Variants in PSTPIP2 observed in about 807,000 individuals in gnomAD.
The protein encoded by PSTPIP2 is proline-serine-threonine phosphatase-interacting protein 2.
Under a neutral mutation model 63.3 loss-of-function variants are expected in PSTPIP2, and 33 were observed. The ratio of observed to expected loss-of-function variants is 0.52; its 90% CI spans 0.40 to 0.70. The LOEUF is 0.70. Among genes scored for constraint, PSTPIP2 ranks in the 30% least tolerant of loss-of-function variants. The pLI is 0.00. For synonymous variants in PSTPIP2, 125 were observed against 132.7 expected (o/e 0.94, Z 0.40); for missense variants, 312 against 400.7 (o/e 0.78, Z 1.89).
intron 5 of PSTPIP2, among the ~76,000 whole-genome samples, chr18:46,006,411 G>A (rs1829727027): frequency 1.7e-5 from 2 of 117,160 alleles, no homozygotes; most frequent in Admixed American, 2.2e-4. Context: ...TGCTCTTAAT[G>A]CCCAGGCTAG....
At chr18:46,026,404 C>T (rs1457707449) in intron 2 of PSTPIP2, among the ~76,000 whole-genome samples, 1 of 152,188 alleles carries the variant, frequency 6.6e-6, no homozygotes, top group Non-Finnish European at 1.5e-5. Context: ...TTTAACTGAG[C>T]ATTTTGCCTT....
intron 5 of PSTPIP2, among the ~76,000 whole-genome samples, chr18:46,007,575 AG>A (rs1599709190): frequency 6.6e-6 from 1 of 152,244 alleles, no homozygotes; most frequent in East Asian, 1.9e-4. Context: ...GGCTACACAG[AG>A]CAGATCAGTT....
At chr18:46,028,160 C>A in intron 2 of PSTPIP2, 1 of 327,874 alleles carries the variant, frequency 3.0e-6, no homozygotes, top group East Asian at 1.0e-4. Flanking sequence ...GACAGTGTCT[C>A]AAAAAGAAAA....
Position 45,992,131 on chromosome 18 carries a change from T to C in PSTPIP2, c.813A>G (p.Gln271=). The change falls in exon 11 of 15, where the codon CAA becomes CAG. Residue 271 remains glutamine, a synonymous_variant. Coordinates refer to ENST00000409746, the MANE Select transcript of PSTPIP2 (RefSeq NM_024430.4). ...CTGGTGGAATCTGTCCAGTTTTGCGTTGATTCACAAAGTATTCAATGTCCC... is the reference window on the plus strand; with the variant it reads ...CTGGTGGAATCTGTCCAGTTTTGCGCTGATTCACAAAGTATTCAATGTCCC... The part of the protein sequence containing the change: ...IQRDIEYFVN[Q]RKTGQIPPAP... 1 of 1,608,922 alleles carries C rather than the reference T, an allele frequency of 6.2e-7. No homozygotes were observed. Among genetic ancestry groups the C allele is most frequent in the Non-Finnish European group, 8.5e-7 (1 of 1,177,372 alleles).
At chr18:46,056,703 G>A (rs1908767615) in intron 1 of PSTPIP2, among the ~76,000 whole-genome samples, 2 of 152,128 alleles carry the variant, frequency 1.3e-5, no homozygotes, top group Non-Finnish European at 2.9e-5. Flanking sequence ...CTCCAGCCTG[G>A]GCAGAAGAGT....
chr18:46,071,181 G>T (rs1054585988), intron 1 of PSTPIP2, among the ~76,000 whole-genome samples: 3 of 152,162 alleles, frequency 2.0e-5, no homozygotes, highest in African/African-American at 7.2e-5. Context: ...TGCAGCCCAC[G>T]TGGGGTAGAG....
At chr18:46,025,520 G>C (rs1169571736) in intron 2 of PSTPIP2, among the ~76,000 whole-genome samples, 1 of 151,930 alleles carries the variant, frequency 6.6e-6, no homozygotes. Flanking sequence ...TAACTTTCAT[G>C]TTTATGTAAT....
intron 2 of PSTPIP2, among the ~76,000 whole-genome samples, chr18:46,026,654 T>C (rs1477434110): frequency 6.6e-6 from 1 of 151,678 alleles, no homozygotes; most frequent in African/African-American, 2.4e-5. Flanking sequence ...GACGGGAGTA[T>C]TGCTTGAGAC....
intron 3 of PSTPIP2, among the ~76,000 whole-genome samples, chr18:46,022,502 C>T (rs1385657852): frequency 6.6e-6 from 1 of 152,178 alleles, no homozygotes; most frequent in Non-Finnish European, 1.5e-5. Flanking sequence ...AACCCTCCCT[C>T]AACATGTTGG....
intron 4 of PSTPIP2, among the ~76,000 whole-genome samples, chr18:46,013,610 C>A (rs757793300): frequency 1.3e-5 from 2 of 151,826 alleles, no homozygotes; most frequent in Non-Finnish European, 2.9e-5. Context: ...TGGCTGAATT[C>A]CAAGTTGCAG....
intron 6 of PSTPIP2, among the ~76,000 whole-genome samples, chr18:46,003,019 T>G (rs1568212742): frequency 6.6e-6 from 1 of 152,198 alleles, no homozygotes; most frequent in Non-Finnish European, 1.5e-5. Context: ...AGGCTTCTGT[T>G]TTAGCTAGCT....
At chr18:46,022,864 C>T (rs1907420311) in intron 3 of PSTPIP2, among the ~76,000 whole-genome samples, 2 of 151,994 alleles carry the variant, frequency 1.3e-5, no homozygotes, top group Non-Finnish European at 2.9e-5. Context: ...TAGAATTGAC[C>T]TAAATGCCCA....
intron 2 of PSTPIP2, among the ~76,000 whole-genome samples, chr18:46,035,968 A>G (rs1907958880): frequency 6.6e-6 from 1 of 152,170 alleles, no homozygotes; most frequent in Non-Finnish European, 1.5e-5. Context: ...GGTTGCCAGC[A>G]TCACCTCTAT....
chr18:46,031,447 G>A (rs767711394), intron 2 of PSTPIP2, among the ~76,000 whole-genome samples: 2 of 151,948 alleles, frequency 1.3e-5, no homozygotes, highest in Non-Finnish European at 2.9e-5. Flanking sequence ...TCTATTCTTC[G>A]ACTCTACTTC....
At chr18:46,022,162 T>C (rs1333521364) in intron 3 of PSTPIP2, among the ~76,000 whole-genome samples, 1 of 152,192 alleles carries the variant, frequency 6.6e-6, no homozygotes, top group Non-Finnish European at 1.5e-5. Context: ...TAATTTCCTA[T>C]GTCTGAGGGT....
chr18:46,019,710 A>G (rs1452620635), intron 3 of PSTPIP2, among the ~76,000 whole-genome samples: 1 of 152,214 alleles, frequency 6.6e-6, no homozygotes, highest in Non-Finnish European at 1.5e-5. Flanking sequence ...CTGAAGCACA[A>G]GAATCATTTG....
intron 6 of PSTPIP2, among the ~76,000 whole-genome samples, chr18:46,002,200 C>A (rs1422227401): frequency 6.6e-6 from 1 of 152,004 alleles, no homozygotes; most frequent in Non-Finnish European, 1.5e-5. Context: ...GTATGGATTT[C>A]TTTGGGTTTA....
At chr18:45,998,654 T>C in intron 8 of PSTPIP2, 140 bp downstream of exon 8, 1 of 834,862 alleles carries the variant, frequency 1.2e-6, no homozygotes. Flanking sequence ...CCTTTTTCCC[T>C]TCAGATATCT....
At chr18:46,023,197 T>C (rs1387624536) in intron 3 of PSTPIP2, among the ~76,000 whole-genome samples, 1 of 152,130 alleles carries the variant, frequency 6.6e-6, no homozygotes, top group Non-Finnish European at 1.5e-5. Flanking sequence ...TGAAATAATA[T>C]GTACAACAAA....
Sources: allele counts gnomAD v4.1 joint callset (sites outside exome capture counted in the v4.1 genomes callset), GRCh38; gene constraint gnomAD v4.1.1; transcripts MANE v1.5; gene names NCBI Gene and HGNC (gene_info 2026-07-23, HGNC 2026-07-21).